The following EEF1G variants were observed in gnomAD, a reference collection of about 807,000 sequenced individuals.
The protein encoded by EEF1G is eukaryotic translation elongation factor 1 gamma.
A neutral mutation model predicts 58.3 loss-of-function variants in EEF1G; 14 were observed. The observed-to-expected ratio is 0.24, with a 90% CI of 0.16 to 0.38. The LOEUF is 0.38. Among genes scored for constraint, EEF1G ranks in the 10% least tolerant of loss-of-function variants. The pLI, the probability that EEF1G is intolerant of heterozygous loss-of-function variation, is 1.00. For synonymous variants in EEF1G, 180 were observed against 206.8 expected (o/e 0.87, Z 1.11); for missense variants, 322 against 550.1 (o/e 0.59, Z 4.15).
intron 7 of EEF1G, among the ~76,000 whole-genome samples, chr11:62,564,442 CAACAGAGTG>C: frequency 7.3e-6 from 1 of 137,666 alleles, no homozygotes; most frequent in East Asian, 2.2e-4. Flanking sequence ...TCAACCTGGG[CAACAGAGTG>C]AGACTCTGTC....
chr11:62,563,916 G>A (rs1027925780), intron 7 of EEF1G, among the ~76,000 whole-genome samples: 7 of 152,168 alleles, frequency 4.6e-5, no homozygotes, highest in African/African-American at 1.7e-4. Context: ...CTGGGGCTGG[G>A]AATTTTTTCA....
rs568503223 is a variant in EEF1G at position 62,569,839 on chromosome 11, C to G, written c.522+1126G>C. 3.3e-5 allele frequency among the ~76,000 whole-genome samples: 5 copies of G among 152,324 alleles called. No individual in the cohort carries two copies. In the South Asian group the frequency reaches 1.0e-3, roughly 32 times the overall value. The stretch of plus-strand genomic sequence containing the variant: ...CTTTTGCTATGATCACATTACTATT[C>G]TGGACCAGCATCAGTCCAAGAGCTT... On this transcript the variant is annotated intron_variant, in intron 5 of 9. Transcript: ENST00000329251.
chr11:62,570,047 A>C (rs1941607441), intron 5 of EEF1G, among the ~76,000 whole-genome samples: 1 of 152,052 alleles, frequency 6.6e-6, no homozygotes, highest in African/African-American at 2.4e-5. Flanking sequence ...ATCTGTCTCC[A>C]AAAGAGCTTA....
Position 62,571,004 on chromosome 11 carries a change from G to A in EEF1G, c.483C>T (p.Asp161=), listed in dbSNP as rs761031258. 15 of 1,613,906 alleles carry A rather than the reference G, an allele frequency of 9.3e-6. No homozygotes were observed. The South Asian group carries it at 1.5e-4, about 17-fold the overall frequency. ...ACAACAGGGTGCAGACAACTGTGATGTCAGCCAATGTCACTCGTTCGCCCA... is the reference window on the plus strand; with the variant it reads ...ACAACAGGGTGCAGACAACTGTGATATCAGCCAATGTCACTCGTTCGCCCA... ...FLVGERVTLA[D]ITVVCTLLWL... is the part of the protein sequence containing the mutation. The change falls in exon 5 of 10, where the codon GAC becomes GAT. Residue 161 remains aspartate (D), a synonymous_variant. Coordinates refer to ENST00000329251, the MANE Select transcript of EEF1G (RefSeq NM_001404.5).
chr11:62,562,450 T>A (rs1941507706), intron 7 of EEF1G, among the ~76,000 whole-genome samples: 1 of 152,006 alleles, frequency 6.6e-6, no homozygotes, highest in Non-Finnish European at 1.5e-5. Context: ...CTGAAGAAAA[T>A]CACCTATAAT....
In EEF1G at chr11:62,564,465, C is replaced by CAA. The variant is rs1251249189; in HGVS notation, c.857+2339_857+2340dup. ...GGCAACAGAGTGAGACTCTGTCTCA[C>CAA]AAAAAAAAAAAAAAAGGCCGGGAGC... is the stretch of plus-strand genomic sequence containing the variant. On this transcript the variant is annotated intron_variant, in intron 7 of 9. Transcript: ENST00000329251. 2.7e-3 allele frequency among the ~76,000 whole-genome samples: 140 copies of CAA among 52,298 alleles called. 3 individuals are homozygous for CAA. Among genetic ancestry groups the CAA allele is most frequent in the African/African-American group, 9.0e-3 (131 of 14,502 alleles). 34.3% of individuals were successfully genotyped at this position (52,298 alleles called of 152,430 possible). A position where few individuals can be genotyped will look rare whatever the true frequency, so the allele number is the denominator to read the frequency against.
In EEF1G at chr11:62,571,913, G is replaced by T; in HGVS notation, c.172-12C>A. ...TCAAATGCTGGGACCTGGGGACAAA[G>T]CAGTGAAAAGATAAGGTAAAACACA... is the stretch of plus-strand genomic sequence containing the variant. On this transcript the variant is annotated splice_polypyrimidine_tract_variant and intron_variant, in intron 2 of 9. Coordinates refer to ENST00000329251, the MANE Select transcript of EEF1G (RefSeq NM_001404.5). The T allele has an allele frequency of 6.4e-7, 1 of 1,567,280 alleles. No individual in the cohort carries two copies. The highest frequency in any genetic ancestry group is 8.7e-7 in the Non-Finnish European group (1 of 1,155,840).
chr11:62,562,025 A>AC lies in EEF1G; in HGVS notation c.858-1572_858-1571insG, dbSNP rs112758321. Among the ~76,000 whole-genome samples, 85 of 152,362 alleles carry AC rather than the reference A, an allele frequency of 5.6e-4. 1 individual carries two copies. Among genetic ancestry groups the AC allele is most frequent in the African/African-American group, 1.9e-3 (81 of 41,586 alleles). On this transcript the variant is annotated intron_variant, in intron 7 of 9. Coordinates refer to ENST00000329251, the MANE Select transcript of EEF1G (RefSeq NM_001404.5). ...GTATGAAGTTCCCAGGATTTTTCTC[A>AC]AAGTGATAACAACATAAAGCCTTGA... is the stretch of plus-strand genomic sequence containing the variant.
At chr11:62,563,430 C>G (rs528730010) in intron 7 of EEF1G, among the ~76,000 whole-genome samples, 1 of 152,152 alleles carries the variant, frequency 6.6e-6, no homozygotes, top group African/African-American at 2.4e-5. Context: ...GCCACCGCGC[C>G]CAGCCTAAAA....
At position 62,572,619 on chromosome 11, in the gene EEF1G, T is replaced by C. The variant is rs1941648388; in HGVS notation, c.136A>G (p.Thr46Ala). The change falls in exon 2 of 10, where the codon ACC (threonine) becomes GCC (alanine). Residue 46 changes from threonine (T) to alanine (A), a missense_variant. Physicochemically the swap from Thr to Ala is moderately conservative, Grantham distance 58. Transcript: ENST00000329251. The part of the protein sequence containing the change: ...PHFHFGQTNR[T>A]PEFLRKFPAG... ...GGAAATTTGCGGAGAAATTCAGGGG[T>C]GCGGTTGGTTTGGCCAAAATGGAAG... 6.2e-7 allele frequency: 1 copy of C among 1,611,754 alleles called. No individual in the cohort carries two copies.
At chr11:62,571,706 C>G (rs906772554) in intron 3 of EEF1G, 24 bp from the exon 4 acceptor site, 4 of 1,580,446 alleles carry the variant, frequency 2.5e-6, no homozygotes, top group African/African-American at 1.3e-5. Context: ...ACACGAAGGT[C>G]AGAACTCTGG....
intron 5 of EEF1G, among the ~76,000 whole-genome samples, chr11:62,569,388 C>T (rs1008759922): frequency 3.9e-5 from 6 of 152,082 alleles, no homozygotes; most frequent in Admixed American, 1.3e-4. Flanking sequence ...GCAGGAGAAT[C>T]GCTTGAACCT....
At chr11:62,560,512 G>A in intron 7 of EEF1G, 58 bp from the exon 8 acceptor site, 1 of 1,557,578 alleles carries the variant, frequency 6.4e-7, no homozygotes, top group Non-Finnish European at 8.7e-7. Flanking sequence ...CAGGCTAAGA[G>A]AAGTGAAGGG....
intron 5 of EEF1G, among the ~76,000 whole-genome samples, chr11:62,568,845 T>A (rs770563090): frequency 3.3e-5 from 5 of 151,884 alleles, no homozygotes; most frequent in Non-Finnish European, 5.9e-5. Context: ...TGGTTGCACA[T>A]GCCCGTAATC....
intron 7 of EEF1G, among the ~76,000 whole-genome samples, chr11:62,563,594 C>A (rs931337930): frequency 6.6e-6 from 1 of 152,210 alleles, no homozygotes; most frequent in Non-Finnish European, 1.5e-5. Context: ...GCCAAACAAT[C>A]TTCTAATGCA....
chr11:62,568,993 G>T (rs895543372), intron 5 of EEF1G, among the ~76,000 whole-genome samples: 1 of 150,732 alleles, frequency 6.6e-6, no homozygotes, highest in East Asian at 2.0e-4. Context: ...AAAAGATTGA[G>T]ACCCACAGAG....
In EEF1G at chr11:62,565,072, CCAAA is replaced by C. The variant is rs1338995246; in HGVS notation, c.857+1730_857+1733del. 4.6e-5 allele frequency among the ~76,000 whole-genome samples: 7 copies of C among 151,184 alleles called. No individual in the cohort carries two copies. In the East Asian group the frequency reaches 5.8e-4, roughly 13 times the overall value. On this transcript the variant is annotated intron_variant, in intron 7 of 9. Transcript: ENST00000329251. Reference sequence around the variant, plus strand: ...TGGGTGACAGAGTGAGACTCTGTCTCCAAACAAACAAACCAAAAAAAAACAAAAA... The same window carrying C: ...TGGGTGACAGAGTGAGACTCTGTCTCCAAACAAACCAAAAAAAAACAAAAA...
rs1193126567 is a variant in EEF1G, at chr11:62,560,452, G to T, written c.860C>A (p.Thr287Asn). ...KDPFAHLPKS[T>N]FVLDEFKRKY... Reference sequence around the variant, plus strand: ...GCGCTTAAATTCATCCAACACAAAGGTACTAAGAGGAAGAAAGCACAGGGG... The same window carrying T: ...GCGCTTAAATTCATCCAACACAAAGTTACTAAGAGGAAGAAAGCACAGGGG... Residue 287 changes from threonine to asparagine, a missense_variant and splice_region_variant, in exon 8 of 10, where the codon ACC (threonine) becomes AAC (asparagine). Transcript: ENST00000329251. The T allele has an allele frequency of 6.2e-7, 1 of 1,609,690 alleles. No homozygotes were observed. The highest frequency in any genetic ancestry group is 8.5e-7 in the Non-Finnish European group (1 of 1,177,850).
chr11:62,568,739 G>A (rs868054383), intron 5 of EEF1G, among the ~76,000 whole-genome samples: 2 of 152,064 alleles, frequency 1.3e-5, no homozygotes, highest in Non-Finnish European at 1.5e-5. Context: ...TTGGGAGGCC[G>A]AGGCGGGCAG....
Sources: gnomAD v4.1 joint callset for allele counts (sites outside exome capture counted in the v4.1 genomes callset) on GRCh38, gnomAD v4.1.1 for gene constraint, MANE v1.5 for transcripts, NCBI Gene and HGNC (gene_info 2026-07-23, HGNC 2026-07-21) for gene names.